The following GYPC variants were observed in gnomAD, a reference collection of about 807,000 sequenced individuals.
GYPC encodes the protein glycophorin C (Gerbich blood group).
Under a neutral mutation model 12.6 loss-of-function variants are expected in GYPC, and 14 were observed. The ratio of observed to expected loss-of-function variants is 1.11; its 90% CI spans 0.74 to 1.74. The LOEUF is 1.74. Ranked by LOEUF, GYPC falls within the 40% of genes most tolerant of loss-of-function variation. The pLI is 0.00. For missense variants in GYPC, 225 were observed against 172.1 expected (o/e 1.31, Z -1.72); for synonymous variants, 78 against 62.1 (o/e 1.26, Z -1.20).
rs139831484 is a variant in GYPC, at chr2:126,686,542, C to T, written c.50-3713C>T. ...AGTTGGTTCGTGGTTCCCCAGAAGGCTTTCAAACATTCAGCAGTTGTCATT... is the reference window on the plus strand; with the variant it reads ...AGTTGGTTCGTGGTTCCCCAGAAGGTTTTCAAACATTCAGCAGTTGTCATT... On this transcript the variant is annotated intron_variant, in intron 1 of 3. Coordinates refer to ENST00000259254, the MANE Select transcript of GYPC (RefSeq NM_002101.5). The T allele has an allele frequency of 6.1e-5, 60 of 985,322 alleles. No homozygotes were observed. In the East Asian group the frequency reaches 6.5e-3, roughly 106 times the overall value. The allele number at this position is 985,322 out of a possible 1,614,324, so 61.0% of individuals were successfully genotyped here.
intron 1 of GYPC, among the ~76,000 whole-genome samples, chr2:126,682,072 G>A (rs536898793): frequency 3.9e-5 from 6 of 152,330 alleles, no homozygotes; most frequent in African/African-American, 1.2e-4. Context: ...GGTGTTCTGC[G>A]CTCCAGCCAC....
At chr2:126,690,383 C>G in intron 2 of GYPC, 72 bp downstream of exon 2, 1 of 1,135,372 alleles carries the variant, frequency 8.8e-7, no homozygotes, top group Non-Finnish European at 1.3e-6. Context: ...ATCACAGAGC[C>G]CTTTAAGCAG....
chr2:126,682,719 T>C (rs1683183048), intron 1 of GYPC, among the ~76,000 whole-genome samples: 1 of 152,196 alleles, frequency 6.6e-6, no homozygotes, highest in Admixed American at 6.5e-5. Context: ...AGCTTTCTGC[T>C]TCCAGGAAGA....
chr2:126,659,125 C>CG, intron 1 of GYPC, among the ~76,000 whole-genome samples: 1 of 112,208 alleles, frequency 8.9e-6, no homozygotes, highest in East Asian at 3.3e-4. Flanking sequence ...ACTCACACTG[C>CG]ATTTTTTATC....
chr2:126,692,254 G>C (rs550683729), intron 2 of GYPC, among the ~76,000 whole-genome samples: 3 of 152,036 alleles, frequency 2.0e-5, no homozygotes, highest in African/African-American at 7.2e-5. Flanking sequence ...GGCTGCCTCA[G>C]TGCCTTGTAT....
At chr2:126,675,180 C>T (rs1682962374) in intron 1 of GYPC, among the ~76,000 whole-genome samples, 1 of 152,182 alleles carries the variant, frequency 6.6e-6, no homozygotes, top group Admixed American at 6.5e-5. Flanking sequence ...TCATCAGAAA[C>T]ATCCTCCAAG....
chr2:126,690,195 G>C (rs1477517977), intron 1 of GYPC, 60 bp from the exon 2 acceptor site: 16 of 1,250,648 alleles, frequency 1.3e-5, no homozygotes, highest in Admixed American at 1.7e-5. Flanking sequence ...TTGGGCCAAG[G>C]TGCTGCTAGG....
At chr2:126,666,529 G>T (rs1682683246) in intron 1 of GYPC, among the ~76,000 whole-genome samples, 1 of 152,158 alleles carries the variant, frequency 6.6e-6, no homozygotes, top group Non-Finnish European at 1.5e-5. Flanking sequence ...CAACCAGGTT[G>T]CAATAGAGGA....
At chr2:126,692,763 G>A (rs1683511381) in intron 2 of GYPC, among the ~76,000 whole-genome samples, 1 of 152,164 alleles carries the variant, frequency 6.6e-6, no homozygotes, top group Admixed American at 6.5e-5. Context: ...CCACAGCAGA[G>A]TCAATGTAAA....
At chr2:126,660,657 T>A (rs1007442861) in intron 1 of GYPC, among the ~76,000 whole-genome samples, 9 of 152,062 alleles carry the variant, frequency 5.9e-5, no homozygotes, top group African/African-American at 2.2e-4. Context: ...TTGAGGCAGG[T>A]GGATGATTGC....
At chr2:126,670,931 C>T (rs1440052420) in intron 1 of GYPC, among the ~76,000 whole-genome samples, 1 of 152,180 alleles carries the variant, frequency 6.6e-6, no homozygotes, top group Non-Finnish European at 1.5e-5. Context: ...CGGTGGCCCC[C>T]AAGCCTAAAC....
intron 1 of GYPC, 102 bp from the exon 2 acceptor site, chr2:126,690,153 A>G: frequency 5.9e-6 from 5 of 851,612 alleles, no homozygotes; most frequent in Non-Finnish European, 1.0e-5. Context: ...ACCCATTCTC[A>G]GAGCTGCTCA....
intron 2 of GYPC, among the ~76,000 whole-genome samples, chr2:126,692,056 T>A (rs940673719): frequency 6.6e-5 from 10 of 152,204 alleles, no homozygotes; most frequent in African/African-American, 2.4e-4. Context: ...ACCTACTATG[T>A]GCTAGATACT....
chr2:126,668,450 A>T (rs780476717), intron 1 of GYPC, among the ~76,000 whole-genome samples: 1 of 152,156 alleles, frequency 6.6e-6, no homozygotes, highest in African/African-American at 2.4e-5. Flanking sequence ...TGAGGCCTGG[A>T]TCTCAGATGA....
At chr2:126,656,764 G>T (rs1187252094) in intron 1 of GYPC, among the ~76,000 whole-genome samples, 2 of 152,240 alleles carry the variant, frequency 1.3e-5, no homozygotes, top group Non-Finnish European at 2.9e-5. Flanking sequence ...CTTGCCCAGG[G>T]ACTTGCTCGC....
chr2:126,658,578 C>G (rs1180602681), intron 1 of GYPC: 2 of 152,210 alleles, frequency 1.3e-5, no homozygotes, highest in South Asian at 4.1e-4. Context: ...AGTGGGCCAA[C>G]AAGCACGCTC....
chr2:126,685,678 C>T (rs116197614), intron 1 of GYPC: 6,693 of 627,964 alleles, frequency 0.011, 40 homozygotes, highest in South Asian at 0.024. Context: ...CCACTGCACC[C>T]GGCCTGGTAA....
chr2:126,690,240 G>T lies in GYPC; in HGVS notation c.50-15G>T. On this transcript the variant is annotated splice_polypyrimidine_tract_variant and intron_variant, in intron 1 of 3. Coordinates refer to ENST00000259254, the MANE Select transcript of GYPC (RefSeq NM_002101.5). The stretch of plus-strand genomic sequence containing the variant: ...TCTTCCTCTCTGACCTCAGATTCTT[G>T]TCCTCTGTTCACAGAGCCTGATCCG... 2 of 1,603,760 alleles carry T rather than the reference G, an allele frequency of 1.2e-6. No homozygotes were observed. Among genetic ancestry groups the T allele is most frequent in the South Asian group, 2.2e-5 (2 of 90,850 alleles).
Position 126,656,310 on chromosome 2 carries a change from T to C in GYPC, c.47T>C (p.Leu16Pro). ...SPNSTAWPLS[L>P]EPDPGMASAS... ...AACAGCACGGCGTGGCCTCTCAGCC[T>C]CGGTGAGTACCCGCCGTGGGGAAGG... Residue 16 changes from leucine to proline, a missense_variant and splice_region_variant, in exon 1 of 4, where the codon CTC becomes CCC. Physicochemically the swap from Leu to Pro is moderately conservative, Grantham distance 98. Transcript: ENST00000259254. 6.3e-7 allele frequency: 1 copy of C among 1,583,846 alleles called. No individual in the cohort carries two copies. The highest frequency in any genetic ancestry group is 1.1e-5 in the South Asian group (1 of 87,878).
Sources: allele counts gnomAD v4.1 joint callset (sites outside exome capture counted in the v4.1 genomes callset), GRCh38; gene constraint gnomAD v4.1.1; transcripts MANE v1.5; gene names NCBI Gene and HGNC (gene_info 2026-07-23, HGNC 2026-07-21).